GUCA1B: variants seen among roughly 807,000 people sequenced by gnomAD.
GUCA1B encodes guanylyl cyclase-activating protein 2.
A neutral mutation model predicts 24.2 loss-of-function variants in GUCA1B; 22 were observed. The observed-to-expected ratio is 0.91, with a 90% CI of 0.65 to 1.30. The LOEUF (loss-of-function observed/expected upper bound fraction) is 1.30, where lower values mean the gene tolerates loss of function less well. Ranked by LOEUF, GUCA1B falls within the 50% of genes most tolerant of loss-of-function variation. The pLI is 0.00. For synonymous variants in GUCA1B, 100 were observed against 97.9 expected, an observed-to-expected ratio of 1.02 and a Z score of -0.13; for missense variants, 221 against 258.8, an observed-to-expected ratio of 0.85 and a Z score of 1.00.
At chr6:42,193,211 TAAG>T (rs1323869311) in intron 1 of GUCA1B, among the ~76,000 whole-genome samples, 1 of 152,226 alleles carries the variant, frequency 6.6e-6, no homozygotes, top group Non-Finnish European at 1.5e-5. Context: ...TGCCGATTTA[TAAG>T]AAGAGATGAG....
rs1322039739 is a variant in GUCA1B at position 42,184,255 on chromosome 6, G to C, written c.*560C>G. The C allele has an allele frequency of 6.0e-6, 1 of 165,860 alleles. No individual in the cohort carries two copies. The highest frequency in any genetic ancestry group is 1.3e-5 in the Non-Finnish European group (1 of 75,956). The allele number at this position is 165,860 out of a possible 1,614,324, so 10.3% of individuals were successfully genotyped here. A position where few individuals can be genotyped will look rare whatever the true frequency, so the allele number is the denominator to read the frequency against. On this transcript the variant is annotated 3_prime_UTR_variant, in exon 4 of 4. Transcript: ENST00000230361. ...CAGGCGCCCGCCACCTCACCCGGCTGATTTTTTGTATTTTTAGTAGAGACG... is the reference window on the plus strand; with the variant it reads ...CAGGCGCCCGCCACCTCACCCGGCTCATTTTTTGTATTTTTAGTAGAGACG...
At chr6:42,186,057 C>A (rs1341948975) in intron 2 of GUCA1B, among the ~76,000 whole-genome samples, 1 of 152,224 alleles carries the variant, frequency 6.6e-6, no homozygotes, top group Non-Finnish European at 1.5e-5. Flanking sequence ...CTGTGAGCTG[C>A]AAAGCCCAAA....
intron 3 of GUCA1B, among the ~76,000 whole-genome samples, chr6:42,185,175 A>G (rs1043026666): frequency 6.6e-6 from 1 of 152,294 alleles, no homozygotes; most frequent in Middle Eastern, 3.4e-3. Flanking sequence ...GCATGGTACC[A>G]CGGAAATGCT....
intron 1 of GUCA1B, among the ~76,000 whole-genome samples, chr6:42,193,717 T>G (rs534935278): frequency 2.8e-4 from 42 of 152,216 alleles, no homozygotes; most frequent in Non-Finnish European, 5.1e-4. Flanking sequence ...GTGCACTGAC[T>G]GGTACCAGCG....
At position 42,194,919 on chromosome 6, in the gene GUCA1B, G is replaced by A. The variant is rs1159175728; in HGVS notation, c.-99C>T. 1.3e-5 allele frequency: 11 copies of A among 869,306 alleles called. No individual in the cohort carries two copies. The highest frequency in any genetic ancestry group is 2.0e-5 in the Non-Finnish European group (11 of 537,168). The allele number at this position is 869,306 out of a possible 1,614,324, so 53.8% of individuals were successfully genotyped here. On this transcript the variant is annotated 5_prime_UTR_variant, in exon 1 of 4. Coordinates refer to ENST00000230361, the MANE Select transcript of GUCA1B (RefSeq NM_002098.6). Reference sequence around the variant, plus strand: ...TAGGGCCCTCTTCCTCCCTTTCCAGGAGGCCTGATCAGCCTCTCCATCATC... The same window carrying A: ...TAGGGCCCTCTTCCTCCCTTTCCAGAAGGCCTGATCAGCCTCTCCATCATC...
rs1364003914 is a variant in GUCA1B, at chr6:42,192,392, AAAGAAAAGAAAAGAAAAAGG to A, written c.207+2202_207+2221del. 9.0e-3 allele frequency among the ~76,000 whole-genome samples: 152 copies of A among 16,962 alleles called. 11 individuals are homozygous for A. The highest frequency in any genetic ancestry group is 0.015 in the African/African-American group (141 of 9,616). 11.1% of individuals were successfully genotyped at this position (16,962 alleles called of 152,430 possible). A position where few individuals can be genotyped will look rare whatever the true frequency, so the allele number is the denominator to read the frequency against. ...AAAAAAAAAAAAAAGAGAGAAAAGA[AAAGAAAAGAAAAGAAAAAGG>A]AAAAAAGAAAGAAACCTGGCCGGGT... On this transcript the variant is annotated intron_variant, in intron 1 of 3. Coordinates refer to ENST00000230361, the MANE Select transcript of GUCA1B (RefSeq NM_002098.6).
At chr6:42,192,051 AG>A (rs1768313007) in intron 1 of GUCA1B, among the ~76,000 whole-genome samples, 2 of 36,058 alleles carry the variant, frequency 5.5e-5, no homozygotes, top group Non-Finnish European at 1.0e-4. Context: ...AAAAAAAAAA[AG>A]AAAAAAAAAA....
rs753409771 is a variant in GUCA1B at position 42,185,801 on chromosome 6, C to G, written c.358-4G>C. The G allele has an allele frequency of 7.0e-6, 11 of 1,577,400 alleles. No individual in the cohort carries two copies. The South Asian group carries it at 1.2e-4, about 17-fold the overall frequency. On this transcript the variant is annotated splice_region_variant and splice_polypyrimidine_tract_variant and intron_variant, in intron 2 of 3. Coordinates refer to ENST00000230361, the MANE Select transcript of GUCA1B (RefSeq NM_002098.6). Reference sequence around the variant, plus strand: ...CTTTCTTCAGCTGGTAAATTCCCTGCCAAAGAAAACTCAGCTGCATTGACG... The same window carrying G: ...CTTTCTTCAGCTGGTAAATTCCCTGGCAAAGAAAACTCAGCTGCATTGACG...
chr6:42,185,462 G>A (rs566959595), intron 3 of GUCA1B, among the ~76,000 whole-genome samples: 3 of 152,068 alleles, frequency 2.0e-5, no homozygotes, highest in African/African-American at 4.8e-5. Flanking sequence ...TCTATTCTGC[G>A]TGCCTGGCCT....
intron 1 of GUCA1B, among the ~76,000 whole-genome samples, chr6:42,191,834 G>T (rs1281535554): frequency 6.6e-6 from 1 of 152,072 alleles, no homozygotes; most frequent in Non-Finnish European, 1.5e-5. Context: ...TGTACCGGAT[G>T]GTATGATGAA....
chr6:42,187,303 A>G (rs749989166), intron 2 of GUCA1B, among the ~76,000 whole-genome samples: 2 of 151,046 alleles, frequency 1.3e-5, no homozygotes, highest in Non-Finnish European at 2.9e-5. Flanking sequence ...ACAGGGTTTC[A>G]CTGTATTAGC....
At position 42,185,679 on chromosome 6, in the gene GUCA1B, C is replaced by T. The variant is rs1467905675; in HGVS notation, c.475+1G>A. ...ACTCTCCCCATCTCTGCCCCTCTTA[C>T]CATCTCCATTCTCATCCACCAGGAG... On this transcript the variant is annotated splice_donor_variant, in intron 3 of 3. Transcript: ENST00000230361. LOFTEE classifies it high-confidence loss of function. 2.6e-6 allele frequency: 4 copies of T among 1,536,498 alleles called. No individual in the cohort carries two copies. Among genetic ancestry groups the T allele is most frequent in the Middle Eastern group, 1.7e-4 (1 of 5,910 alleles).
chr6:42,187,718 T>G (rs1768219974), intron 2 of GUCA1B, among the ~76,000 whole-genome samples: 1 of 151,436 alleles, frequency 6.6e-6, no homozygotes, highest in South Asian at 2.1e-4. Context: ...TCCCTGTGCC[T>G]GGCCTTAATT....
In GUCA1B at chr6:42,188,293, C is replaced by CGTGTGT. The variant is rs151241798; in HGVS notation, c.357+283_357+288dup. 2.5e-3 allele frequency among the ~76,000 whole-genome samples: 356 copies of CGTGTGT among 143,656 alleles called. 1 individual carries two copies. Among genetic ancestry groups the CGTGTGT allele is most frequent in the South Asian group, 5.4e-3 (24 of 4,426 alleles). The allele number at this position is 143,656 out of a possible 152,430, so 94.2% of individuals were successfully genotyped here. The stretch of plus-strand genomic sequence containing the variant: ...TTATTTTTCAATTTAAGATACTTGT[C>CGTGTGT]GTGTGTGTGTGTGTGTGTGTGTGTG... On this transcript the variant is annotated intron_variant, in intron 2 of 3. Transcript: ENST00000230361.
At position 42,185,718 on chromosome 6, in the gene GUCA1B, A is replaced by G; in HGVS notation, c.437T>C (p.Val146Ala). 6.2e-7 allele frequency: 1 copy of G among 1,611,148 alleles called. No homozygotes were observed. Among genetic ancestry groups the G allele is most frequent in the Non-Finnish European group, 8.5e-7 (1 of 1,177,388 alleles). The change falls in exon 3 of 4, where the codon GTG becomes GCG. Residue 146 changes from valine (V) to alanine (A), a missense_variant. Transcript: ENST00000230361. ...ATCCACCAGGAGGAAGATCCTGTCCACGACCTCCTCGGGTGTGAGCAGCTG... is the reference window on the plus strand; with the variant it reads ...ATCCACCAGGAGGAAGATCCTGTCCGCGACCTCCTCGGGTGTGAGCAGCTG... ...QGQLLTPEEV[V>A]DRIFLLVDEN...
Position 42,184,019 on chromosome 6 carries a change from C to T in GUCA1B, c.*796G>A, listed in dbSNP as rs868014210. ...AGGAGGCCAGGGTCCTCCCCATGAA[C>T]GCCCCTCAGCATCCCGGAAGTTATA... On this transcript the variant is annotated 3_prime_UTR_variant, in exon 4 of 4. Coordinates refer to ENST00000230361, the MANE Select transcript of GUCA1B (RefSeq NM_002098.6). Among the ~76,000 whole-genome samples, 1 of 152,112 alleles carries T rather than the reference C, an allele frequency of 6.6e-6. No individual in the cohort carries two copies. Among genetic ancestry groups the T allele is most frequent in the Non-Finnish European group, 1.5e-5 (1 of 68,030 alleles).
chr6:42,192,038 C>CAAAAAAAAAA (rs35283316), intron 1 of GUCA1B, among the ~76,000 whole-genome samples: 1 of 116,880 alleles, frequency 8.6e-6, no homozygotes, highest in African/African-American at 3.5e-5. Context: ...TATGATCATA[C>CAAAAAAAAAA]AAAAAAAAAA....
intron 1 of GUCA1B, among the ~76,000 whole-genome samples, chr6:42,189,142 C>A (rs140976158): frequency 7.1e-4 from 108 of 152,266 alleles, no homozygotes; most frequent in Middle Eastern, 3.4e-3. Flanking sequence ...TCCTTCAAGG[C>A]TGAGCTCAAG....
Position 42,185,757 on chromosome 6 carries a change from T to TG in GUCA1B, c.397dup (p.Gln133ProfsTer3). 1 of 1,613,630 alleles carries TG rather than the reference T, an allele frequency of 6.2e-7. No homozygotes were observed. Among genetic ancestry groups the TG allele is most frequent in the Non-Finnish European group, 8.5e-7 (1 of 1,179,714 alleles). On this transcript the variant is annotated frameshift_variant, in exon 3 of 4. Transcript: ENST00000230361. LOFTEE classifies it high-confidence loss of function. ...TGTGAGCAGCTGGCCTTGCTCAGTTTGTAGCTCTCGCCGGCAGGCTTTCTT... is the reference window on the plus strand; with the variant it reads ...TGTGAGCAGCTGGCCTTGCTCAGTTTGGTAGCTCTCGCCGGCAGGCTTTCTT...
Sources: allele counts gnomAD v4.1 joint callset (sites outside exome capture counted in the v4.1 genomes callset), GRCh38; gene constraint gnomAD v4.1.1; transcripts MANE v1.5; gene names NCBI Gene and HGNC (gene_info 2026-07-23, HGNC 2026-07-21).